Variants in ANKRD30BL observed in about 807,000 individuals in gnomAD.
The protein encoded by ANKRD30BL is putative ankyrin repeat domain-containing protein 30B-like.
A neutral mutation model predicts 18.4 loss-of-function variants in ANKRD30BL; 20 were observed. The ratio of observed to expected loss-of-function variants is 1.09; its 90% CI spans 0.77 to 1.58. The LOEUF is 1.58. Ranked by LOEUF, ANKRD30BL falls within the 40% of genes most tolerant of loss-of-function variation. The probability of loss-of-function intolerance (pLI) is 0.00; values close to 1 mark genes in which losing one functional copy is unlikely to be tolerated. For missense variants in ANKRD30BL, 224 were observed against 268.6 expected, an observed-to-expected ratio of 0.83 and a Z score of 1.16; for synonymous variants, 72 against 100.9, an observed-to-expected ratio of 0.71 and a Z score of 1.72.
At chr2:132,163,387 G>A (rs550866639), upstream of ANKRD30BL, among the ~76,000 whole-genome samples, 130 of 151,988 alleles carry the variant, frequency 8.6e-4, 3 homozygotes, top group East Asian at 0.023. Flanking sequence ...GGGAGTTCGT[G>A]GGTACAGTAA....
intron 1 of ANKRD30BL, among the ~76,000 whole-genome samples, chr2:132,191,104 A>AGAGT (rs1306606073): frequency 1.3e-5 from 2 of 152,206 alleles, no homozygotes; most frequent in Non-Finnish European, 2.9e-5. Context: ...TCCTTACAAA[A>AGAGT]ACCTCTGGCT....
At chr2:132,157,553 T>C (rs1458532307) in intron 1 of ANKRD30BL, 130 bp from the exon 2 acceptor site, 7 of 443,124 alleles carry the variant, frequency 1.6e-5, no homozygotes, top group Non-Finnish European at 2.5e-5. Flanking sequence ...AATATTCTCC[T>C]GAAGAAACTA....
chr2:132,158,132 C>A (rs1428935507), intron 1 of ANKRD30BL, among the ~76,000 whole-genome samples: 4 of 152,064 alleles, frequency 2.6e-5, no homozygotes, highest in African/African-American at 9.7e-5. Flanking sequence ...ATGGTATATA[C>A]AACAGGATGA....
chr2:132,253,109 C>T lies in ANKRD30BL; in HGVS notation n.441+4420G>A, dbSNP rs36197018. 3 of 178,364 alleles carry T rather than the reference C, an allele frequency of 1.7e-5. No individual in the cohort carries two copies. In the Admixed American group the frequency reaches 1.8e-4, roughly 11 times the overall value. 11.0% of individuals were successfully genotyped at this position (178,364 alleles called of 1,614,324 possible). A position where few individuals can be genotyped will look rare whatever the true frequency, so the allele number is the denominator to read the frequency against. ...GGCCCTGCCAGGGAACAGTCATGCACCCCGAGGAGCCCAGAGGCAACCCTG... is the reference window on the plus strand; with the variant it reads ...GGCCCTGCCAGGGAACAGTCATGCATCCCGAGGAGCCCAGAGGCAACCCTG... On this transcript the variant is annotated intron_variant and non_coding_transcript_variant, in intron 1 of 4. Transcript: ENST00000470729.
chr2:132,207,464 A>G (rs1470822435), intron 1 of ANKRD30BL, among the ~76,000 whole-genome samples: 1 of 152,100 alleles, frequency 6.6e-6, no homozygotes, highest in Non-Finnish European at 1.5e-5. Flanking sequence ...GGCCAACAAT[A>G]TCAGGTTCTT....
chr2:132,256,507 C>G (rs531993552), intron 1 of ANKRD30BL, among the ~76,000 whole-genome samples: 23 of 152,326 alleles, frequency 1.5e-4, no homozygotes, highest in African/African-American at 5.0e-4. Flanking sequence ...GTTTGGGCAG[C>G]GAAGGAGAGG....
At chr2:132,221,935 C>A (rs1573859766) in intron 1 of ANKRD30BL, among the ~76,000 whole-genome samples, 1 of 130,866 alleles carries the variant, frequency 7.6e-6, no homozygotes, top group Middle Eastern at 4.0e-3. Flanking sequence ...CAGCCCCCCG[C>A]CTGGCCAGCC....
At chr2:132,167,632 C>T (rs1688212201) in intron 1 of ANKRD30BL, among the ~76,000 whole-genome samples, 1 of 152,178 alleles carries the variant, frequency 6.6e-6, no homozygotes, top group African/African-American at 2.4e-5. Context: ...TTTAATTGAT[C>T]ATCTTCTATG....
intron 1 of ANKRD30BL, among the ~76,000 whole-genome samples, chr2:132,203,048 A>G (rs1679139378): frequency 6.6e-6 from 1 of 152,284 alleles, no homozygotes; most frequent in East Asian, 1.9e-4. Flanking sequence ...AGCAGATTCA[A>G]TATCAAACAG....
rs74371301 is a variant in ANKRD30BL at position 132,255,888 on chromosome 2, C to A, written n.441+1641G>T. Among the ~76,000 whole-genome samples, 4 of 152,098 alleles carry A rather than the reference C, an allele frequency of 2.6e-5. No homozygotes were observed. The East Asian group carries it at 7.8e-4, about 30-fold the overall frequency. ...TGCCACGGGGGGCGTGCGATTGGCCCGAGGTTATCCAGAAGCACCAAAGCT... is the reference window on the plus strand; with the variant it reads ...TGCCACGGGGGGCGTGCGATTGGCCAGAGGTTATCCAGAAGCACCAAAGCT... On this transcript the variant is annotated intron_variant and non_coding_transcript_variant, in intron 1 of 4. Coordinates refer to the ANKRD30BL transcript ENST00000470729.
intron 1 of ANKRD30BL, among the ~76,000 whole-genome samples, chr2:132,237,488 G>T (rs1035653987): frequency 1.3e-5 from 2 of 152,014 alleles, no homozygotes; most frequent in African/African-American, 4.8e-5. Context: ...AAACTTATTT[G>T]TGATGTGTGC....
At chr2:132,200,516 C>A (rs967641147) in intron 1 of ANKRD30BL, among the ~76,000 whole-genome samples, 15 of 152,034 alleles carry the variant, frequency 9.9e-5, no homozygotes, top group African/African-American at 3.6e-4. Context: ...AAACAGAGAG[C>A]CAAATCATGA....
intron 1 of ANKRD30BL, among the ~76,000 whole-genome samples, chr2:132,244,103 C>T (rs1680411505): frequency 6.6e-6 from 1 of 152,288 alleles, no homozygotes; most frequent in African/African-American, 2.4e-5. Flanking sequence ...CAGAAGCATT[C>T]TCAGAAACTA....
At chr2:132,251,604 T>G (rs958749424) in intron 1 of ANKRD30BL, among the ~76,000 whole-genome samples, 21 of 152,244 alleles carry the variant, frequency 1.4e-4, no homozygotes, top group Non-Finnish European at 2.2e-4. Context: ...ATAGTTTTGT[T>G]AGCACTGTAA....
intron 4 of ANKRD30BL, chr2:132,153,720 T>C (rs1687828519): frequency 8.7e-7 from 1 of 1,154,620 alleles, no homozygotes; most frequent in Non-Finnish European, 1.2e-6. Context: ...GATAACTTCA[T>C]TATTAGGAAC....
chr2:132,230,102 C>T (rs983054442), intron 1 of ANKRD30BL, among the ~76,000 whole-genome samples: 9 of 150,884 alleles, frequency 6.0e-5, no homozygotes, highest in South Asian at 2.1e-4. Flanking sequence ...ATTTAAAGCA[C>T]TTTGAGGCCT....
chr2:132,194,105 TACTC>T (rs1678916445), intron 1 of ANKRD30BL, among the ~76,000 whole-genome samples: 1 of 151,574 alleles, frequency 6.6e-6, no homozygotes, highest in Non-Finnish European at 1.5e-5. Context: ...CCCACTCCGA[TACTC>T]TCTCTCTCTA....
At chr2:132,231,769 C>G (rs1046117572) in intron 1 of ANKRD30BL, among the ~76,000 whole-genome samples, 1 of 152,206 alleles carries the variant, frequency 6.6e-6, no homozygotes, top group Non-Finnish European at 1.5e-5. Flanking sequence ...GGGAGGGGCA[C>G]CCGCCATTAC....
chr2:132,157,922 T>C (rs1314170099), intron 1 of ANKRD30BL, among the ~76,000 whole-genome samples: 1 of 152,214 alleles, frequency 6.6e-6, no homozygotes, highest in Admixed American at 6.5e-5. Context: ...ATTTGTGGTA[T>C]GTTTTAAAGG....
Sources: allele counts gnomAD v4.1 joint callset (sites outside exome capture counted in the v4.1 genomes callset), GRCh38; gene constraint gnomAD v4.1.1; transcripts MANE v1.5; gene names NCBI Gene and HGNC (gene_info 2026-07-23, HGNC 2026-07-21).